Variants in ANKRD24 observed in about 807,000 individuals in gnomAD.
ANKRD24 encodes the protein ankyrin repeat domain 24, also known as ankyrin repeat domain-containing protein 24.
A neutral mutation model predicts 127.8 loss-of-function variants in ANKRD24; 109 were observed. That is an observed-to-expected ratio of 0.85 (90% CI 0.73 to 1.00). The LOEUF is 1.00. Among genes scored for constraint, ANKRD24 ranks in the 50% least tolerant of loss-of-function variants. The pLI, the probability that ANKRD24 is intolerant of heterozygous loss-of-function variation, is 0.00. For missense variants in ANKRD24, 1,648 were observed against 1,570.2 expected (o/e 1.05, Z -0.84); for synonymous variants, 743 against 671.1 (o/e 1.11, Z -1.66).
At chr19:4,215,886 A>G in intron 15 of ANKRD24, 92 bp from the exon 16 acceptor site, 4 of 974,760 alleles carry the variant, frequency 4.1e-6, no homozygotes, top group Non-Finnish European at 6.2e-6. Context: ...ACATACAGGT[A>G]TGTGAACAGC....
rs1269554417 is a variant in ANKRD24 at position 4,200,187 on chromosome 19, C to T, written c.343+16C>T. On this transcript the variant is annotated intron_variant, in intron 5 of 21. Coordinates refer to ENST00000318934, the MANE Select transcript of ANKRD24 (RefSeq NM_001393985.1). ...GACGGGGCAGGTACTGCCAGCTGGG[C>T]CCCGGGGAGGGAGGAGGAACTAAGC... 1.3e-6 allele frequency: 2 copies of T among 1,582,176 alleles called. No homozygotes were observed. The highest frequency in any genetic ancestry group is 1.9e-4 in the Middle Eastern group (1 of 5,402).
Position 4,212,692 on chromosome 19 carries a change from G to C in ANKRD24, c.1191G>C (p.Leu397=). 6.4e-7 allele frequency: 1 copy of C among 1,550,788 alleles called. No individual in the cohort carries two copies. The highest frequency in any genetic ancestry group is 8.7e-7 in the Non-Finnish European group (1 of 1,146,968). Reference sequence around the variant, plus strand: ...AGAGTTTGCAGAGCCGGCTGTCCCTGCTGGAGGTAGGAGCAGTGATGAGTC... The same window carrying C: ...AGAGTTTGCAGAGCCGGCTGTCCCTCCTGGAGGTAGGAGCAGTGATGAGTC... The part of the protein sequence containing the change: ...EVESLQSRLS[L]LENERENTSY... The change falls in exon 15 of 22, where the codon CTG becomes CTC. Residue 397 remains leucine, a synonymous_variant. Coordinates refer to ENST00000318934, the MANE Select transcript of ANKRD24 (RefSeq NM_001393985.1).
intron 2 of ANKRD24, among the ~76,000 whole-genome samples, chr19:4,187,633 A>C (rs1968145114): frequency 6.6e-6 from 1 of 152,198 alleles, no homozygotes; most frequent in Admixed American, 6.6e-5. Flanking sequence ...CGGCCAATTC[A>C]GGGCACAGAT....
In ANKRD24 at chr19:4,210,080, A is replaced by G. The variant is rs1415112546; in HGVS notation, c.893A>G (p.Lys298Arg). ...CAGAACTCTATGTCCAGCCATGGAA[A>G]GCAGGGGGCCCCCAAGAAGCGGAAG... ...SSQNSMSSHG[K>R]QGAPKKRKAP... Residue 298 changes from lysine to arginine, a missense_variant, in exon 12 of 22, where the codon AAG becomes AGG. Physicochemically the swap from Lys to Arg is conservative, Grantham distance 26 (BLOSUM62 2). Coordinates refer to ENST00000318934, the MANE Select transcript of ANKRD24 (RefSeq NM_001393985.1). 6.2e-7 allele frequency: 1 copy of G among 1,612,454 alleles called. No homozygotes were observed. Among genetic ancestry groups the G allele is most frequent in the Non-Finnish European group, 8.5e-7 (1 of 1,179,406 alleles).
At position 4,217,785 on chromosome 19, in the gene ANKRD24, C is replaced by A. The variant is rs1245813047; in HGVS notation, c.2625C>A (p.Gly875=). Reference sequence around the variant, plus strand: ...AGCGCACGGCGGCCGCGGAACTGGGCCGGGCACGGGACGCCGCTGAGGCCC... The same window carrying A: ...AGCGCACGGCGGCCGCGGAACTGGGACGGGCACGGGACGCCGCTGAGGCCC... ...EQQRTAAAEL[G]RARDAAEARV... Residue 875 remains glycine (G), a synonymous_variant, in exon 18 of 22, where the codon GGC becomes GGA. Transcript: ENST00000318934. The A allele has an allele frequency of 7.6e-7, 1 of 1,324,252 alleles. No individual in the cohort carries two copies. The allele number at this position is 1,324,252 out of a possible 1,614,324, so 82.0% of individuals were successfully genotyped here. A position where few individuals can be genotyped will look rare whatever the true frequency, so the allele number is the denominator to read the frequency against.
chr19:4,185,031 A>C (rs1179008890), intron 1 of ANKRD24, among the ~76,000 whole-genome samples: 2 of 38,968 alleles, frequency 5.1e-5, no homozygotes, highest in African/African-American at 1.9e-4. Flanking sequence ...GGGATGGATA[A>C]GTGGATGGAT....
At chr19:4,220,474 G>A (rs1356935787) in intron 19 of ANKRD24, among the ~76,000 whole-genome samples, 1 of 152,182 alleles carries the variant, frequency 6.6e-6, no homozygotes, top group Admixed American at 6.6e-5. Flanking sequence ...CCCACGTTTC[G>A]TTCCTAAACA....
At chr19:4,207,679 C>T (rs981534598) in intron 9 of ANKRD24, 72 bp downstream of exon 9, 18 of 1,597,262 alleles carry the variant, frequency 1.1e-5, no homozygotes, top group East Asian at 4.5e-5. Flanking sequence ...CTAAGTAAGA[C>T]GATCTAGCCA....
At chr19:4,211,926 C>T (rs766018997) in intron 13 of ANKRD24, among the ~76,000 whole-genome samples, 6 of 152,094 alleles carry the variant, frequency 3.9e-5, no homozygotes, top group African/African-American at 9.7e-5. Flanking sequence ...TGAGGCCGGG[C>T]GCGGTGGCTC....
At chr19:4,209,198 C>A (rs1451555476) in intron 11 of ANKRD24, among the ~76,000 whole-genome samples, 3 of 151,954 alleles carry the variant, frequency 2.0e-5, no homozygotes, top group African/African-American at 7.3e-5. Flanking sequence ...GCAACCTTCA[C>A]CCCCTGGGTT....
At position 4,210,333 on chromosome 19, in the gene ANKRD24, C is replaced by T. The variant is rs919768606; in HGVS notation, c.1020C>T (p.Ile340=). The T allele has an allele frequency of 5.7e-6, 9 of 1,576,704 alleles. No individual in the cohort carries two copies. The highest frequency in any genetic ancestry group is 7.7e-6 in the Non-Finnish European group (9 of 1,161,948). The part of the protein sequence containing the change: ...RQERGRLLQK[I]RGLEQHKERR... ...AGAGGGGCCGCCTCCTGCAGAAGAT[C>T]CGGGGCCTGGAACAGCACAAGGAAC... Residue 340 remains isoleucine, a synonymous_variant, in exon 13 of 22, where the codon ATC becomes ATT. Transcript: ENST00000318934.
chr19:4,190,561 C>T (rs1348584157), intron 2 of ANKRD24, among the ~76,000 whole-genome samples: 1 of 151,880 alleles, frequency 6.6e-6, no homozygotes. Context: ...CCCCTCTCTA[C>T]TAAAAATGCA....
In ANKRD24 at chr19:4,199,596, G is replaced by T; in HGVS notation, c.37-87G>T. ...TGGGCTTTTGTTGGACAACTGGGGT[G>T]ATGGGCCTGGGGGCAGATGCTGGGG... On this transcript the variant is annotated intron_variant, in intron 2 of 21. Coordinates refer to ENST00000318934, the MANE Select transcript of ANKRD24 (RefSeq NM_001393985.1). The surrounding 1 kb of genome is among the most constrained non-coding windows in gnomAD (Gnocchi z 5.2). The T allele has an allele frequency of 6.9e-7, 1 of 1,451,914 alleles. No individual in the cohort carries two copies. The highest frequency in any genetic ancestry group is 9.0e-7 in the Non-Finnish European group (1 of 1,107,570). The allele number at this position is 1,451,914 out of a possible 1,614,324, so 89.9% of individuals were successfully genotyped here. A position where few individuals can be genotyped will look rare whatever the true frequency, so the allele number is the denominator to read the frequency against.
intron 6 of ANKRD24, 71 bp downstream of exon 6, chr19:4,202,161 C>T: frequency 1.5e-6 from 2 of 1,372,564 alleles, no homozygotes; most frequent in Non-Finnish European, 2.1e-6. Context: ...TTCCTTGAAC[C>T]CCCAGATGCT....
rs1968954497 is a variant in ANKRD24 at position 4,199,406 on chromosome 19, C to A, written c.37-277C>A. The A allele has an allele frequency of 1.6e-6, 1 of 630,530 alleles. No individual in the cohort carries two copies. Among genetic ancestry groups the A allele is most frequent in the South Asian group, 7.0e-5 (1 of 14,328 alleles). 39.1% of individuals were successfully genotyped at this position (630,530 alleles called of 1,614,324 possible). ...TTTTTATTTTTTGTAGAGACGGGGTCCTACTATGGTGCCCAGGTTTGTCTC... is the reference window on the plus strand; with the variant it reads ...TTTTTATTTTTTGTAGAGACGGGGTACTACTATGGTGCCCAGGTTTGTCTC... On this transcript the variant is annotated intron_variant, in intron 2 of 21. Coordinates refer to ENST00000318934, the MANE Select transcript of ANKRD24 (RefSeq NM_001393985.1). The surrounding 1 kb of genome is among the most constrained non-coding windows in gnomAD (Gnocchi z 5.2).
chr19:4,220,551 T>A (rs1970385529), intron 19 of ANKRD24, among the ~76,000 whole-genome samples: 2 of 152,052 alleles, frequency 1.3e-5, no homozygotes, highest in African/African-American at 2.4e-5. Flanking sequence ...TACCTTTTTT[T>A]ATTGTTGTTT....
rs368923143 is a variant in ANKRD24, at chr19:4,195,764, T to A, written c.37-3919T>A. Among the ~76,000 whole-genome samples, 15 of 152,172 alleles carry A rather than the reference T, an allele frequency of 9.9e-5. No homozygotes were observed. The highest frequency in any genetic ancestry group is 7.7e-4 in the East Asian group (4 of 5,162). On this transcript the variant is annotated intron_variant, in intron 2 of 21. Coordinates refer to ENST00000318934, the MANE Select transcript of ANKRD24 (RefSeq NM_001393985.1). This position sits in a 1 kb window ranked among gnomAD's most constrained non-coding sequence, Gnocchi z 4.2. ...CAAAAATTCGCTAGGCGTGGTGGCG[T>A]GTGCCTGTAATCCCAGCTACTCGGG...
Position 4,219,768 on chromosome 19 carries a change from C to T in ANKRD24, c.3171+10C>T. On this transcript the variant is annotated intron_variant, in intron 19 of 21. Transcript: ENST00000318934. ...GGAGAAGGACAAGAAGGTGGGTGCCCCCTCTCCCACACTCAGTCAGGGAGG... is the reference window on the plus strand; with the variant it reads ...GGAGAAGGACAAGAAGGTGGGTGCCTCCTCTCCCACACTCAGTCAGGGAGG... 1.0e-5 allele frequency: 16 copies of T among 1,592,128 alleles called. No individual in the cohort carries two copies. Among genetic ancestry groups the T allele is most frequent in the Non-Finnish European group, 1.4e-5 (16 of 1,167,838 alleles).
At chr19:4,221,122 A>G (rs899776969) in intron 19 of ANKRD24, among the ~76,000 whole-genome samples, 1 of 151,692 alleles carries the variant, frequency 6.6e-6, no homozygotes. Flanking sequence ...TCTGTCGCTC[A>G]GGGTGAAGTA....
Sources: allele counts gnomAD v4.1 joint callset (sites outside exome capture counted in the v4.1 genomes callset), GRCh38; gene constraint gnomAD v4.1.1; non-coding constraint Gnocchi (gnomAD v3.1); transcripts MANE v1.5; gene names NCBI Gene and HGNC (gene_info 2026-07-23, HGNC 2026-07-21).